Variants in FAM240C observed in about 807,000 individuals in gnomAD.
The protein encoded by FAM240C is protein FAM240C.
In FAM240C, 14 loss-of-function variants were observed where a neutral mutation model predicts 10.0. The observed-to-expected ratio is 1.40, with a 90% CI of 0.92 to 2.19. The LOEUF (loss-of-function observed/expected upper bound fraction) is 2.19. FAM240C is among the 30% of genes most tolerant of loss of function. FAM240C has a pLI of 0.00. For missense variants in FAM240C, 154 were observed against 122.3 expected, an observed-to-expected ratio of 1.26 and a Z score of -1.22; for synonymous variants, 49 against 44.3, an observed-to-expected ratio of 1.11 and a Z score of -0.42.
chr2:241,895,996 G>T (rs563926326), intron 2 of FAM240C, among the ~76,000 whole-genome samples: 1 of 151,996 alleles, frequency 6.6e-6, no homozygotes, highest in Admixed American at 6.5e-5. Context: ...ATCGTCTGCC[G>T]AGTGCCTGCG....
chr2:241,899,496 G>C (rs1255569402), intron 1 of FAM240C, among the ~76,000 whole-genome samples: 1 of 152,226 alleles, frequency 6.6e-6, no homozygotes, highest in African/African-American at 2.4e-5. Flanking sequence ...TCAGGGCCGG[G>C]CCCAGCTGCT....
intron 1 of FAM240C, chr2:241,898,968 G>A (rs1701916053): frequency 1.9e-6 from 1 of 527,752 alleles, no homozygotes; most frequent in African/African-American, 2.0e-5. Context: ...TCTTCAGCTT[G>A]GCCTTGCTTG....
chr2:241,897,219 T>G lies in FAM240C; in HGVS notation c.128A>C (p.Glu43Ala). 1.9e-6 allele frequency: 3 copies of G among 1,549,978 alleles called. No homozygotes were observed. The highest frequency in any genetic ancestry group is 2.6e-6 in the Non-Finnish European group (3 of 1,146,508). Residue 43 changes from glutamate to alanine, a missense_variant, in exon 2 of 3, where the codon GAG becomes GCG. Physicochemically the swap from Glu to Ala is moderately radical, Grantham distance 107. Coordinates refer to ENST00000404031, the MANE Select transcript of FAM240C (RefSeq NM_001382368.1). ...IEHHARHLQN[E>A]DIRVRRSALN... ...AGCGCTTCTGCGAACCCTGATGTCC[T>G]CGTTCTGCAGGTGTCTTGCGTGATG...
chr2:241,898,544 TCAAACAAACAAACAAA>T (rs66467284), intron 1 of FAM240C, among the ~76,000 whole-genome samples: 1 of 151,340 alleles, frequency 6.6e-6, no homozygotes, highest in Non-Finnish European at 1.5e-5. Context: ...AGACTCCGTC[TCAAACAAACAAACAAA>T]CAAACAAACA....
At chr2:241,896,711 GT>G (rs1255074979) in intron 2 of FAM240C, among the ~76,000 whole-genome samples, 37 of 1,812 alleles carry the variant, frequency 0.02, 14 homozygotes, top group African/African-American at 0.051. Context: ...GGGTGTGGGT[GT>G]TGGGGGTGTG....
chr2:241,897,305 A>T lies in FAM240C; in HGVS notation c.42T>A (p.Asn14Lys). 1 of 1,549,670 alleles carries T rather than the reference A, an allele frequency of 6.5e-7. No individual in the cohort carries two copies. The highest frequency in any genetic ancestry group is 8.7e-7 in the Non-Finnish European group (1 of 1,146,456). ...CTGAATCGTATGCTACTCTTCCAGG[A>T]TTCTTAAGAGTGAGGCTTTTACTCA... Reference protein sequence around the residue: ...KNMSKSLTLKNPGRVAYDSGG... With the variant: ...KNMSKSLTLKKPGRVAYDSGG... Residue 14 changes from asparagine (N) to lysine (K), a missense_variant, in exon 2 of 3, where the codon AAT becomes AAA. Asn to Lys is a moderately conservative substitution (Grantham distance 94). Coordinates refer to ENST00000404031, the MANE Select transcript of FAM240C (RefSeq NM_001382368.1).
At chr2:241,898,365 A>C (rs1192183224) in intron 1 of FAM240C, among the ~76,000 whole-genome samples, 1 of 152,198 alleles carries the variant, frequency 6.6e-6, no homozygotes, top group Non-Finnish European at 1.5e-5. Context: ...CAGCCTGGCC[A>C]ACATGGTGAA....
chr2:241,901,090 C>T (rs180794675), upstream of FAM240C, among the ~76,000 whole-genome samples: 17 of 152,290 alleles, frequency 1.1e-4, no homozygotes, highest in East Asian at 3.3e-3. This position sits in a 1 kb window ranked among gnomAD's most constrained non-coding sequence, Gnocchi z 4.9. Flanking sequence ...TTCCTCCTTC[C>T]TCCACCGCGG....
chr2:241,898,833 A>T (rs889818314), intron 1 of FAM240C, among the ~76,000 whole-genome samples: 2 of 152,092 alleles, frequency 1.3e-5, no homozygotes, highest in Admixed American at 1.3e-4. Flanking sequence ...TCTCGGAATG[A>T]ATGAGGCATC....
At chr2:241,895,438 G>A (rs62191174) in intron 2 of FAM240C, among the ~76,000 whole-genome samples, 35,668 of 152,184 alleles carry the variant, frequency 0.23, 4,604 homozygotes, top group African/African-American at 0.34. Context: ...GTGGGGTCCC[G>A]AGCCAGGGGC....
chr2:241,900,485 A>T, upstream of FAM240C: 1 of 683,080 alleles, frequency 1.5e-6, no homozygotes, highest in East Asian at 2.7e-5. The surrounding 1 kb of genome is among the most constrained non-coding windows in gnomAD (Gnocchi z 4.5). Context: ...AGTGACACGC[A>T]TGCTTGGCGT....
chr2:241,894,999 C>T (rs1362177291), intron 2 of FAM240C, among the ~76,000 whole-genome samples: 3 of 152,206 alleles, frequency 2.0e-5, no homozygotes, highest in Non-Finnish European at 4.4e-5. Context: ...CCGCAGCTGC[C>T]GCTTCCTTCA....
Position 241,894,052 on chromosome 2 carries a change from G to T in FAM240C, c.*161C>A. 1.3e-6 allele frequency: 1 copy of T among 745,108 alleles called. No individual in the cohort carries two copies. The allele number at this position is 745,108 out of a possible 1,614,324, so 46.2% of individuals were successfully genotyped here. A position where few individuals can be genotyped will look rare whatever the true frequency, so the allele number is the denominator to read the frequency against. On this transcript the variant is annotated 3_prime_UTR_variant, in exon 3 of 3. Coordinates refer to ENST00000404031, the MANE Select transcript of FAM240C (RefSeq NM_001382368.1). ...TAGAGAACCCTGGGACTCTGCTGCAGCGTGGACCCCGAGGTGGGATTATTA... is the reference window on the plus strand; with the variant it reads ...TAGAGAACCCTGGGACTCTGCTGCATCGTGGACCCCGAGGTGGGATTATTA...
chr2:241,900,443 A>G lies in FAM240C; in HGVS notation c.-74T>C. On this transcript the variant is annotated 5_prime_UTR_variant, in exon 1 of 3. Transcript: ENST00000404031. The surrounding 1 kb of genome is among the most constrained non-coding windows in gnomAD (Gnocchi z 4.5). ...TGTCCTCTCCGGGGTGCACGCCTGTATCTCGCCTGCCGCTCTCTGTTACAT... is the reference window on the plus strand; with the variant it reads ...TGTCCTCTCCGGGGTGCACGCCTGTGTCTCGCCTGCCGCTCTCTGTTACAT... 1 of 711,050 alleles carries G rather than the reference A, an allele frequency of 1.4e-6. No individual in the cohort carries two copies. Among genetic ancestry groups the G allele is most frequent in the Non-Finnish European group, 2.6e-6 (1 of 381,344 alleles). The allele number at this position is 711,050 out of a possible 1,614,324, so 44.0% of individuals were successfully genotyped here.
intron 2 of FAM240C, 100 bp from the exon 3 acceptor site, chr2:241,894,439 G>C: frequency 7.4e-7 from 1 of 1,351,210 alleles, no homozygotes; most frequent in Non-Finnish European, 1.0e-6. Context: ...GTGAGAGCAG[G>C]AGTATGACAC....
intron 2 of FAM240C, 110 bp from the exon 3 acceptor site, chr2:241,894,449 C>CCCCCA: frequency 3.1e-6 from 4 of 1,272,516 alleles, no homozygotes; most frequent in Non-Finnish European, 4.3e-6. Flanking sequence ...GAGTATGACA[C>CCCCCA]TCCCTGCCAG....
At chr2:241,894,447 C>T (rs1701738504) in intron 2 of FAM240C, 108 bp from the exon 3 acceptor site, 7 of 1,276,170 alleles carry the variant, frequency 5.5e-6, no homozygotes, top group African/African-American at 1.5e-5. Context: ...AGGAGTATGA[C>T]ACTCCCTGCC....
At chr2:241,902,326 C>T (rs1038008971), upstream of FAM240C, among the ~76,000 whole-genome samples, 1 of 119,402 alleles carries the variant, frequency 8.4e-6, no homozygotes. The surrounding 1 kb of genome is among the most constrained non-coding windows in gnomAD (Gnocchi z 7.1). Context: ...CTGCCGCCTC[C>T]CCTCCGCCGC....
At position 241,899,331 on chromosome 2, in the gene FAM240C, C is replaced by T. The variant is rs1273033652; in HGVS notation, c.12+1027G>A. Reference sequence around the variant, plus strand: ...CTGGAGGGCCACAGAAATCGCCCATCGATGCCACGCCCTTTGTTCCAGAAA... The same window carrying T: ...CTGGAGGGCCACAGAAATCGCCCATTGATGCCACGCCCTTTGTTCCAGAAA... On this transcript the variant is annotated intron_variant, in intron 1 of 2. Transcript: ENST00000404031. The T allele has an allele frequency of 1.0e-5, 10 of 985,336 alleles. No individual in the cohort carries two copies. In the Admixed American group the frequency reaches 2.5e-4, roughly 24 times the overall value. 61.0% of individuals were successfully genotyped at this position (985,336 alleles called of 1,614,324 possible).
Sources: gnomAD v4.1 joint callset for allele counts (sites outside exome capture counted in the v4.1 genomes callset) on GRCh38, gnomAD v4.1.1 for gene constraint, Gnocchi (gnomAD v3.1) non-coding constraint, MANE v1.5 for transcripts, NCBI Gene and HGNC (gene_info 2026-07-23, HGNC 2026-07-21) for gene names.